The following PTPRZ1 variants were observed in gnomAD, a reference collection of about 807,000 sequenced individuals.
The protein encoded by PTPRZ1 is receptor-type tyrosine-protein phosphatase zeta.
In PTPRZ1, 82 loss-of-function variants were observed where a neutral mutation model predicts 214.1. That is an observed-to-expected ratio of 0.38 (90% confidence interval 0.32 to 0.46). PTPRZ1 has a LOEUF of 0.46. Among genes scored for constraint, PTPRZ1 ranks in the 20% least tolerant of loss-of-function variants. PTPRZ1 has a pLI of 1.00. For missense variants in PTPRZ1, 2,603 were observed against 2,748.7 expected (o/e 0.95, Z 1.19); for synonymous variants, 945 against 987.9 (o/e 0.96, Z 0.81).
In PTPRZ1 at chr7:122,040,429, G is replaced by GTCTATT. The variant is rs1425213867; in HGVS notation, c.5638-387_5638-386insTCTATT. The stretch of plus-strand genomic sequence containing the variant: ...GTTGAGAAGAATTCTTTATTCTTCA[G>GTCTATT]GTAACCTATCCTATCAGTCTTTGTT... On this transcript the variant is annotated intron_variant, in intron 20 of 29. Coordinates refer to ENST00000393386, the MANE Select transcript of PTPRZ1 (RefSeq NM_002851.3). Among the ~76,000 whole-genome samples the GTCTATT allele has an allele frequency of 1.4e-4, 22 of 152,296 alleles. No individual in the cohort carries two copies. In the East Asian group the frequency reaches 3.9e-3, roughly 27 times the overall value.
At chr7:121,880,107 T>G (rs1166463995) in intron 1 of PTPRZ1, among the ~76,000 whole-genome samples, 1 of 152,204 alleles carries the variant, frequency 6.6e-6, no homozygotes, top group African/African-American at 2.4e-5. Context: ...CAGATGTTTT[T>G]GCCTAAATAT....
chr7:122,005,174 A>C (rs1352009908), intron 11 of PTPRZ1, among the ~76,000 whole-genome samples: 1 of 152,028 alleles, frequency 6.6e-6, no homozygotes, highest in Non-Finnish European at 1.5e-5. Flanking sequence ...TTGTGCTGAC[A>C]ACAGGCACTT....
At chr7:121,944,146 G>T (rs1483568352) in intron 2 of PTPRZ1, among the ~76,000 whole-genome samples, 1 of 151,970 alleles carries the variant, frequency 6.6e-6, no homozygotes, top group African/African-American at 2.4e-5. Flanking sequence ...ACCTACATAG[G>T]GAAATTCCTG....
chr7:121,893,403 C>T (rs1026047130), intron 1 of PTPRZ1, among the ~76,000 whole-genome samples: 2 of 152,220 alleles, frequency 1.3e-5, no homozygotes, highest in Non-Finnish European at 2.9e-5. Context: ...TTATCTTGCT[C>T]CACTGTCTTG....
At chr7:121,979,228 A>G (rs553295213) in intron 6 of PTPRZ1, among the ~76,000 whole-genome samples, 1 of 152,052 alleles carries the variant, frequency 6.6e-6, no homozygotes, top group East Asian at 1.9e-4. Flanking sequence ...CCCATCCACC[A>G]TACCTACTCT....
intron 1 of PTPRZ1, among the ~76,000 whole-genome samples, chr7:121,885,614 G>C (rs183563631): frequency 6.6e-6 from 1 of 151,920 alleles, no homozygotes; most frequent in Non-Finnish European, 1.5e-5. Context: ...AGTATTCTTG[G>C]CATAAGAAAT....
chr7:121,895,631 C>G lies in PTPRZ1; in HGVS notation c.58+22074C>G, dbSNP rs200022898. Among the ~76,000 whole-genome samples the G allele has an allele frequency of 1.2e-4, 19 of 152,192 alleles. No homozygotes were observed. In the East Asian group the frequency reaches 3.7e-3, roughly 29 times the overall value. On this transcript the variant is annotated intron_variant, in intron 1 of 29. Coordinates refer to ENST00000393386, the MANE Select transcript of PTPRZ1 (RefSeq NM_002851.3). ...ATTTTATGAATCTTCTAGTGTTACA[C>G]ACTAGAAATAAAGATCTCTCATTCG...
At chr7:121,905,649 T>TCACACACACACACACACACACA (rs1490766524) in intron 1 of PTPRZ1, among the ~76,000 whole-genome samples, 6 of 49,438 alleles carry the variant, frequency 1.2e-4, no homozygotes, top group Non-Finnish European at 2.0e-4. Flanking sequence ...GTTCTATTCT[T>TCACACACACACACACACACACA]TACACACACA....
intron 2 of PTPRZ1, among the ~76,000 whole-genome samples, chr7:121,937,039 G>A (rs963030030): frequency 1.4e-4 from 21 of 152,202 alleles, no homozygotes; most frequent in Admixed American, 2.0e-4. Context: ...CTTGGAGATC[G>A]TCTGTGGCCC....
chr7:121,976,140 T>C (rs1797426454), intron 4 of PTPRZ1, 33 bp from the exon 5 acceptor site: 1 of 1,409,068 alleles, frequency 7.1e-7, no homozygotes, highest in African/African-American at 1.4e-5. Context: ...GAAGTCTTTG[T>C]GTATCATAAA....
chr7:121,983,289 C>T (rs1797669000), intron 6 of PTPRZ1, among the ~76,000 whole-genome samples: 1 of 152,162 alleles, frequency 6.6e-6, no homozygotes, highest in Non-Finnish European at 1.5e-5. Context: ...AATATGATGA[C>T]TAGTACAGGC....
chr7:122,051,544 A>G (rs1362370960), intron 24 of PTPRZ1, 23 bp downstream of exon 24: 12 of 1,585,968 alleles, frequency 7.6e-6, no homozygotes, highest in Non-Finnish European at 1.0e-5. Flanking sequence ...GATCCTTGAA[A>G]AAACAACTTT....
chr7:121,893,186 T>C (rs1013789058), intron 1 of PTPRZ1, among the ~76,000 whole-genome samples: 1 of 152,166 alleles, frequency 6.6e-6, no homozygotes, highest in African/African-American at 2.4e-5. Context: ...TGAAACTTTG[T>C]CATGTCGTTA....
At chr7:121,873,950 T>C (rs1196065787) in intron 1 of PTPRZ1, among the ~76,000 whole-genome samples, 2 of 152,114 alleles carry the variant, frequency 1.3e-5, no homozygotes, top group African/African-American at 4.8e-5. Flanking sequence ...TGCGGGGCTG[T>C]GTACTGTACT....
At chr7:122,053,097 G>A (rs1346177982) in intron 25 of PTPRZ1, among the ~76,000 whole-genome samples, 1 of 152,148 alleles carries the variant, frequency 6.6e-6, no homozygotes, top group Non-Finnish European at 1.5e-5. Flanking sequence ...TATGGACCCT[G>A]AAGGGTTCAT....
At chr7:122,037,965 A>G (rs1799599320) in intron 18 of PTPRZ1, among the ~76,000 whole-genome samples, 1 of 152,210 alleles carries the variant, frequency 6.6e-6, no homozygotes, top group Non-Finnish European at 1.5e-5. Flanking sequence ...ATAGTTCTGC[A>G]TGGCTAGGGA....
intron 19 of PTPRZ1, among the ~76,000 whole-genome samples, 161 bp from the exon 20 acceptor site, chr7:122,039,293 T>C (rs917710266): frequency 1.3e-5 from 2 of 152,154 alleles, no homozygotes; most frequent in Non-Finnish European, 2.9e-5. Flanking sequence ...ATCCCTAGCC[T>C]CCTCCACAAC....
intron 1 of PTPRZ1, among the ~76,000 whole-genome samples, chr7:121,888,123 C>T (rs913999867): frequency 4.6e-5 from 7 of 151,916 alleles, no homozygotes; most frequent in African/African-American, 7.3e-5. Flanking sequence ...TCCTTAGAAA[C>T]GAGAGACAGT....
At chr7:121,881,480 T>C (rs149356205) in intron 1 of PTPRZ1, among the ~76,000 whole-genome samples, 173 of 152,330 alleles carry the variant, frequency 1.1e-3, no homozygotes, top group Non-Finnish European at 1.3e-3. Context: ...CAGGTGATTA[T>C]AGAGCACAGC....
Sources: allele counts gnomAD v4.1 joint callset (sites outside exome capture counted in the v4.1 genomes callset), GRCh38; gene constraint gnomAD v4.1.1; transcripts MANE v1.5; gene names NCBI Gene and HGNC (gene_info 2026-07-23, HGNC 2026-07-21).